CCDC30: variants seen among roughly 807,000 people sequenced by gnomAD.
CCDC30 encodes coiled-coil domain-containing protein 30.
In CCDC30, 70 loss-of-function variants were observed where a neutral mutation model predicts 100.2. The ratio of observed to expected loss-of-function variants is 0.70; its 90% CI spans 0.58 to 0.85. The LOEUF is 0.85. Ranked by LOEUF, CCDC30 falls within the 40% of genes least tolerant of loss-of-function variation. CCDC30 has a pLI of 0.00. For missense variants in CCDC30, 652 were observed against 771.2 expected (o/e 0.85, Z 1.83); for synonymous variants, 233 against 269.5 (o/e 0.86, Z 1.33).
exon 8 of CCDC30, chr1:42,577,206 A>G (rs781185046): frequency 1.9e-6 from 3 of 1,613,532 alleles, no homozygotes; most frequent in Admixed American, 3.3e-5. Flanking sequence ...GGAGAAATCT[A>G]AAGTTGCTGA....
At chr1:42,553,896 AT>A (rs1645311080) in intron 6 of CCDC30, among the ~76,000 whole-genome samples, 3 of 152,144 alleles carry the variant, frequency 2.0e-5, no homozygotes, top group Non-Finnish European at 1.5e-5. Flanking sequence ...TAAAATATTT[AT>A]TTTTTATAGT....
At chr1:42,578,132 T>G (rs942337057) in intron 8 of CCDC30, among the ~76,000 whole-genome samples, 23 of 152,184 alleles carry the variant, frequency 1.5e-4, no homozygotes, top group Admixed American at 1.3e-4. Context: ...TACATTTTGA[T>G]GTGCAAGTTT....
chr1:42,529,184 C>T (rs993149127), intron 6 of CCDC30, among the ~76,000 whole-genome samples: 7 of 151,938 alleles, frequency 4.6e-5, no homozygotes, highest in East Asian at 1.9e-4. Context: ...TCTTTAAAAC[C>T]GGAAAATGAG....
chr1:42,476,883 G>GT (rs755925608), intron 1 of CCDC30, among the ~76,000 whole-genome samples: 185 of 126,380 alleles, frequency 1.5e-3, no homozygotes, highest in Non-Finnish European at 1.4e-3. Flanking sequence ...GTTGATGGAA[G>GT]TTTTTTTTTT....
chr1:42,635,616 T>A (rs549174520), intron 11 of CCDC30, among the ~76,000 whole-genome samples: 104 of 152,080 alleles, frequency 6.8e-4, no homozygotes, highest in Non-Finnish European at 1.4e-3. Flanking sequence ...GAGACCATCC[T>A]GACTAACACG....
chr1:42,539,336 G>A (rs1289410039), intron 6 of CCDC30, 26 bp downstream of exon 8: 4 of 1,562,786 alleles, frequency 2.6e-6, no homozygotes, highest in Non-Finnish European at 3.5e-6. Context: ...GTATTTAAAT[G>A]TTCAATATTT....
At chr1:42,580,619 G>A (rs1645943423) in intron 8 of CCDC30, among the ~76,000 whole-genome samples, 2 of 151,880 alleles carry the variant, frequency 1.3e-5, no homozygotes, top group African/African-American at 2.4e-5. Flanking sequence ...AAAAATGTGG[G>A]GGTTTTTTGC....
intron 9 of CCDC30, among the ~76,000 whole-genome samples, chr1:42,584,138 T>C (rs1646021838): frequency 1.3e-5 from 2 of 152,204 alleles, no homozygotes; most frequent in Admixed American, 1.3e-4. Context: ...AAACAAAATG[T>C]TTCAATTCTG....
chr1:42,572,609 A>T (rs958485460), intron 7 of CCDC30, among the ~76,000 whole-genome samples: 1 of 151,990 alleles, frequency 6.6e-6, no homozygotes, highest in Non-Finnish European at 1.5e-5. Context: ...TTATTTATGT[A>T]TTTATGTATT....
the CCDC30 span, chr1:42,457,416 A>C: frequency 1.4e-6 from 2 of 1,388,798 alleles, no homozygotes; most frequent in Middle Eastern, 1.9e-4. Flanking sequence ...TTTCCTCTTG[A>C]TCTGGAGATG....
At chr1:42,501,734 T>A (rs1024305631) in intron 6 of CCDC30, among the ~76,000 whole-genome samples, 2 of 152,198 alleles carry the variant, frequency 1.3e-5, no homozygotes, top group African/African-American at 4.8e-5. Context: ...AGACCCTGTT[T>A]GTCTGGGTAT....
the CCDC30 span, chr1:42,457,053 C>T: frequency 1.3e-6 from 2 of 1,598,082 alleles, no homozygotes; most frequent in East Asian, 2.2e-5. Context: ...CAGGCTGCGG[C>T]CCAGGCACTC....
intron 6 of CCDC30, among the ~76,000 whole-genome samples, chr1:42,518,724 A>G (rs531216964): frequency 1.1e-4 from 16 of 152,346 alleles, no homozygotes; most frequent in African/African-American, 3.8e-4. Flanking sequence ...GTCATTAAAC[A>G]ATACATGACT....
At chr1:42,544,614 A>G (rs901464046) in intron 6 of CCDC30, among the ~76,000 whole-genome samples, 3 of 152,116 alleles carry the variant, frequency 2.0e-5, no homozygotes, top group African/African-American at 7.2e-5. Flanking sequence ...TCCCAGGCTC[A>G]AGCCATTTTT....
At position 42,641,257 on chromosome 1, in the gene CCDC30, GT is replaced by G. The variant is rs2148683601; in HGVS notation, c.1420-1215del. On this transcript the variant is annotated intron_variant, in intron 12 of 16. Transcript: ENST00000668663. ...TGTGTGTGTGTGTGTGTGTGTGTGT[GT>G]GTGGAGACGGGGTCTCACCATGTTG... is the stretch of plus-strand genomic sequence containing the variant. Among the ~76,000 whole-genome samples, 4 of 149,306 alleles carry G rather than the reference GT, an allele frequency of 2.7e-5. No homozygotes were observed. In the South Asian group the frequency reaches 8.4e-4, roughly 31 times the overall value.
intron 6 of CCDC30, among the ~76,000 whole-genome samples, chr1:42,562,707 A>G (rs912237765): frequency 5.9e-5 from 9 of 152,232 alleles, no homozygotes; most frequent in African/African-American, 2.2e-4. Flanking sequence ...CCATCTACCT[A>G]TCTGACAAAG....
chr1:42,506,968 C>T (rs1248599846), intron 6 of CCDC30, among the ~76,000 whole-genome samples: 1 of 152,082 alleles, frequency 6.6e-6, no homozygotes, highest in Non-Finnish European at 1.5e-5. Flanking sequence ...CTCTTGTTGC[C>T]CAGGCTGGAG....
At chr1:42,461,188 G>A (rs140107041), upstream of CCDC30, among the ~76,000 whole-genome samples, 605 of 152,316 alleles carry the variant, frequency 4.0e-3, 3 homozygotes, top group African/African-American at 0.014. Context: ...CCCTGTGTCT[G>A]TCTGATAATA....
intron 6 of CCDC30, among the ~76,000 whole-genome samples, chr1:42,504,010 T>C (rs1401554244): frequency 6.6e-6 from 1 of 152,200 alleles, no homozygotes; most frequent in Non-Finnish European, 1.5e-5. Flanking sequence ...TACCCACATA[T>C]TTATTAACAG....
Sources: gnomAD v4.1 joint callset for allele counts (sites outside exome capture counted in the v4.1 genomes callset) on GRCh38, gnomAD v4.1.1 for gene constraint, MANE v1.5 for transcripts, NCBI Gene and HGNC (gene_info 2026-07-23, HGNC 2026-07-21) for gene names.